Variants in OSBPL10 observed in about 807,000 individuals in gnomAD.
OSBPL10 encodes oxysterol binding protein like 10.
Under a neutral mutation model 81.7 loss-of-function variants are expected in OSBPL10, and 49 were observed. That is an observed-to-expected ratio of 0.60 (90% confidence interval 0.48 to 0.76). The LOEUF (loss-of-function observed/expected upper bound fraction) is 0.76, where lower values mean the gene tolerates loss of function less well. Among genes scored for constraint, OSBPL10 ranks in the 30% least tolerant of loss-of-function variants. OSBPL10 has a pLI of 0.00. For missense variants in OSBPL10, 923 were observed against 987.8 expected (o/e 0.93, Z 0.88); for synonymous variants, 419 against 383.6 (o/e 1.09, Z -1.08).
At chr3:32,006,139 T>G (rs1216625471) in intron 2 of OSBPL10, among the ~76,000 whole-genome samples, 2 of 151,768 alleles carry the variant, frequency 1.3e-5, no homozygotes, top group African/African-American at 4.8e-5. Context: ...GAGACGGGGG[T>G]TTCACCATGT....
rs774260333 is a variant in OSBPL10 at position 31,664,068 on chromosome 3, G to A, written c.2250+11C>T. On this transcript the variant is annotated intron_variant, in intron 11 of 11. Transcript: ENST00000396556. ...CCTGGGCAAGGGACCAATGACAGGC[G>A]GCAGAGTTACCTCCTGGATAAAATA... 2.0e-5 allele frequency: 33 copies of A among 1,613,966 alleles called. No individual in the cohort carries two copies. The highest frequency in any genetic ancestry group is 6.7e-5 in the Admixed American group (4 of 60,000).
chr3:31,816,136 G>A (rs984970384), intron 4 of OSBPL10, among the ~76,000 whole-genome samples: 1 of 152,142 alleles, frequency 6.6e-6, no homozygotes, highest in Non-Finnish European at 1.5e-5. Context: ...CTGAATCCAG[G>A]AGTGACTCTT....
In OSBPL10 at chr3:32,066,081, C is replaced by T. The variant is rs186100549; in HGVS notation, n.185+11315G>A. Among the ~76,000 whole-genome samples, 10 of 86,514 alleles carry T rather than the reference C, an allele frequency of 1.2e-4. 4 individuals carry two copies. In the Admixed American group the frequency reaches 1.4e-3, roughly 12 times the overall value. 56.8% of individuals were successfully genotyped at this position (86,514 alleles called of 152,430 possible). ...GCAAGGTTGCAGTGAGCAGAGATTG[C>T]GCCACTAGACTCCAGCCTGGGCGAC... is the stretch of plus-strand genomic sequence containing the variant. On this transcript the variant is annotated intron_variant and non_coding_transcript_variant, in intron 1 of 3. Transcript: ENST00000479173.
Position 32,034,450 on chromosome 3 carries a change from A to AAG in OSBPL10, n.298+12040_298+12041insCT, listed in dbSNP as rs10645030. On this transcript the variant is annotated intron_variant and non_coding_transcript_variant, in intron 2 of 3. Coordinates refer to the OSBPL10 transcript ENST00000479173. ...AGCGAGACCCTGTAGCGGAAAAAAA[A>AAG]AAAAAAAAGATTTTCTACCAAATGT... is the stretch of plus-strand genomic sequence containing the variant. 5.7e-3 allele frequency among the ~76,000 whole-genome samples: 856 copies of AAG among 151,338 alleles called. 26 individuals carry two copies. In the East Asian group the frequency reaches 0.089, roughly 16 times the overall value.
intron 2 of OSBPL10, chr3:31,988,913 T>C (rs1698981949): frequency 1.2e-6 from 1 of 811,188 alleles, no homozygotes; most frequent in Admixed American, 2.8e-5. Flanking sequence ...CCAGCTGAAG[T>C]GCCTCCAAAC....
chr3:31,855,319 G>A (rs1377051807), intron 3 of OSBPL10, among the ~76,000 whole-genome samples: 2 of 152,160 alleles, frequency 1.3e-5, no homozygotes, highest in African/African-American at 4.8e-5. Flanking sequence ...CATGCTCGGT[G>A]AGTTGTCATG....
chr3:31,807,650 A>AC (rs1174390776), intron 4 of OSBPL10, among the ~76,000 whole-genome samples: 35 of 151,422 alleles, frequency 2.3e-4, no homozygotes, highest in Non-Finnish European at 1.6e-4. Context: ...AGGTGGGAGG[A>AC]TCACTTGAGT....
intron 8 of OSBPL10, among the ~76,000 whole-genome samples, chr3:31,681,316 C>T (rs1575471840): frequency 1.3e-5 from 2 of 152,324 alleles, no homozygotes; most frequent in African/African-American, 4.8e-5. Context: ...GCCATCTTAC[C>T]TATGCAAGAG....
Position 31,820,076 on chromosome 3 carries a change from C to T in OSBPL10, c.729+9964G>A, listed in dbSNP as rs150656822. Among the ~76,000 whole-genome samples the T allele has an allele frequency of 4.0e-3, 607 of 152,268 alleles. 12 individuals carry two copies. The highest frequency in any genetic ancestry group is 0.036 in the South Asian group (172 of 4,820). On this transcript the variant is annotated intron_variant, in intron 4 of 11. Coordinates refer to ENST00000396556, the MANE Select transcript of OSBPL10 (RefSeq NM_017784.5). ...GTTGAACCCTAGCTAGTACACCTCT[C>T]TTTGCCTTAACCTCTTTATGCCTCA...
chr3:31,674,082 T>C (rs9820094), intron 8 of OSBPL10, among the ~76,000 whole-genome samples: 2 of 152,292 alleles, frequency 1.3e-5, no homozygotes, highest in African/African-American at 4.8e-5. Flanking sequence ...GGTTGGATAT[T>C]TGACCCCCTC....
chr3:31,761,982 A>G (rs537306225), intron 4 of OSBPL10, among the ~76,000 whole-genome samples: 1 of 152,092 alleles, frequency 6.6e-6, no homozygotes, highest in Non-Finnish European at 1.5e-5. Flanking sequence ...GTGCTATTGG[A>G]AGAACGAGGT....
upstream of OSBPL10, chr3:31,981,270 C>T: frequency 7.7e-7 from 1 of 1,298,530 alleles, no homozygotes; most frequent in Non-Finnish European, 9.7e-7. This position sits in a 1 kb window ranked among gnomAD's most constrained non-coding sequence, Gnocchi z 4.5. Context: ...GACGCCCGGG[C>T]CGCGCGTGCC....
intron 7 of OSBPL10, among the ~76,000 whole-genome samples, chr3:31,687,624 G>A (rs1700825461): frequency 6.6e-6 from 1 of 152,128 alleles, no homozygotes. Flanking sequence ...GAGCCAGCAG[G>A]GAACCTCAGG....
At chr3:32,016,561 G>A (rs769350871) in intron 2 of OSBPL10, among the ~76,000 whole-genome samples, 3 of 152,088 alleles carry the variant, frequency 2.0e-5, no homozygotes, top group Non-Finnish European at 4.4e-5. Context: ...AAACCTGTAC[G>A]TTGTGCACAT....
Position 31,976,025 on chromosome 3 carries a change from G to A in OSBPL10, c.281+4874C>T, listed in dbSNP as rs545538452. 3.3e-5 allele frequency among the ~76,000 whole-genome samples: 5 copies of A among 152,290 alleles called. No individual in the cohort carries two copies. In the South Asian group the frequency reaches 1.0e-3, roughly 32 times the overall value. The stretch of plus-strand genomic sequence containing the variant: ...GAAAGGAAGATAGGATTTAGAGGCT[G>A]GGAAGGGGAGCTGTAAATGTTTGGT... On this transcript the variant is annotated intron_variant, in intron 1 of 11. Transcript: ENST00000396556.
At chr3:32,059,633 C>A (rs1699740320) in intron 1 of OSBPL10, among the ~76,000 whole-genome samples, 3 of 151,196 alleles carry the variant, frequency 2.0e-5, no homozygotes, top group Admixed American at 6.6e-5. Flanking sequence ...CAACAACAGG[C>A]TAGGCCAGGC....
intron 5 of OSBPL10, among the ~76,000 whole-genome samples, chr3:31,747,393 A>G (rs1284515310): frequency 6.6e-6 from 1 of 150,480 alleles, no homozygotes; most frequent in Non-Finnish European, 1.5e-5. Context: ...GGGTTTCTTT[A>G]CTATGTTCTC....
Position 32,063,973 on chromosome 3 carries a change from T to G in OSBPL10, n.185+13423A>C, listed in dbSNP as rs1288551935. 2 of 93,600 alleles carry G rather than the reference T, an allele frequency of 2.1e-5. 1 individual carries two copies. Among genetic ancestry groups the G allele is most frequent in the Non-Finnish European group, 5.7e-5 (2 of 34,878 alleles). 5.8% of individuals were successfully genotyped at this position (93,600 alleles called of 1,614,324 possible). ...CAGTCTCATGTTTTTTGTTTTGTTT[T>G]GTTTTCTGGGACAGGGGTCTCACTG... On this transcript the variant is annotated intron_variant and non_coding_transcript_variant, in intron 1 of 3. Coordinates refer to the OSBPL10 transcript ENST00000479173.
At chr3:31,787,784 A>G (rs1203892012) in intron 4 of OSBPL10, among the ~76,000 whole-genome samples, 1 of 152,114 alleles carries the variant, frequency 6.6e-6, no homozygotes, top group Non-Finnish European at 1.5e-5. Flanking sequence ...TGAAATCTAC[A>G]TGCCTTCTAG....
Sources: gnomAD v4.1 joint callset for allele counts (sites outside exome capture counted in the v4.1 genomes callset) on GRCh38, gnomAD v4.1.1 for gene constraint, Gnocchi (gnomAD v3.1) non-coding constraint, MANE v1.5 for transcripts, NCBI Gene and HGNC (gene_info 2026-07-23, HGNC 2026-07-21) for gene names.